The following C4orf50 variants were observed in gnomAD, a reference collection of about 807,000 sequenced individuals.
The protein encoded by C4orf50 is chromosome 4 open reading frame 50.
Under a neutral mutation model 77.2 loss-of-function variants are expected in C4orf50, and 80 were observed. The observed-to-expected ratio is 1.04, with a 90% confidence interval of 0.87 to 1.25. The LOEUF (loss-of-function observed/expected upper bound fraction) is 1.25. C4orf50 is among the 50% of genes most tolerant of loss of function. The pLI is 0.00. For synonymous variants in C4orf50, 532 were observed against 465.3 expected (o/e 1.14, Z -1.84); for missense variants, 1,257 against 1,152.9 (o/e 1.09, Z -1.31).
At chr4:5,929,777 G>C (rs1296826659) in intron 7 of C4orf50, among the ~76,000 whole-genome samples, 1 of 152,180 alleles carries the variant, frequency 6.6e-6, no homozygotes, top group Non-Finnish European at 1.5e-5. Context: ...AAATAGGAGA[G>C]AGTCAGAAGT....
At chr4:5,906,809 C>T (rs1716568585) in intron 7 of C4orf50, among the ~76,000 whole-genome samples, 1 of 152,174 alleles carries the variant, frequency 6.6e-6, no homozygotes, top group Non-Finnish European at 1.5e-5. Context: ...TCTGTAGGTA[C>T]ACAGCTTCAA....
At chr4:5,959,836 G>C (rs896532374) in intron 33 of C4orf50, among the ~76,000 whole-genome samples, 1 of 152,206 alleles carries the variant, frequency 6.6e-6, no homozygotes, top group African/African-American at 2.4e-5. Context: ...TGCGTTCTGG[G>C]TCAGAAAATG....
chr4:5,989,051 C>T, exon 28 of C4orf50: 7 of 1,536,060 alleles, frequency 4.6e-6, no homozygotes, highest in African/African-American at 1.4e-5. Context: ...TCAGAGATTG[C>T]CTGTAAATAT....
chr4:5,928,627 C>A (rs962037970), intron 7 of C4orf50, among the ~76,000 whole-genome samples: 2 of 152,144 alleles, frequency 1.3e-5, no homozygotes, highest in Non-Finnish European at 2.9e-5. Flanking sequence ...GCATGCTTCC[C>A]GGTGATAAAA....
rs573089903 is a variant in C4orf50, at chr4:5,958,524, C to T, written c.*851G>A. ...TCCAGTTGTCCCAAGCCAAGTAGAA[C>T]GGACCCTTACCTTCATCCCGTTGCT... On this transcript the variant is annotated 3_prime_UTR_variant, in exon 34 of 34. Transcript: ENST00000531445. The surrounding 1 kb of genome is among the most constrained non-coding windows in gnomAD (Gnocchi z 5.4). 3 of 152,122 alleles carry T rather than the reference C, an allele frequency of 2.0e-5. No individual in the cohort carries two copies. Among genetic ancestry groups the T allele is most frequent in the South Asian group, 2.1e-4 (1 of 4,810 alleles). 9.4% of individuals were successfully genotyped at this position (152,122 alleles called of 1,614,324 possible).
chr4:5,988,766 G>A (rs1024055980), exon 28 of C4orf50: 37 of 1,535,964 alleles, frequency 2.4e-5, no homozygotes, highest in East Asian at 1.2e-4. Context: ...TGGACCCTGC[G>A]TAGAAGGTGC....
intron 28 of C4orf50, among the ~76,000 whole-genome samples, chr4:5,980,731 G>A (rs1720540599): frequency 6.6e-6 from 1 of 152,138 alleles, no homozygotes; most frequent in Non-Finnish European, 1.5e-5. Flanking sequence ...TGTAATAGAT[G>A]CCAGTCACTG....
rs369879637 is a variant in C4orf50, at chr4:5,973,824, G to A, written c.3939C>T (p.Leu1313=). ...GGTTCCTCTCCCGGCACTTCCGGAC[G>A]AGGGAAGCTATCTTGGCCTGAAAGG... Residue 1313 remains leucine, a synonymous_variant, in exon 31 of 34, where the codon CTC becomes CTT. Coordinates refer to ENST00000531445, the Ensembl canonical transcript of C4orf50. The A allele has an allele frequency of 3.7e-6, 6 of 1,611,964 alleles. No homozygotes were observed. The African/African-American group carries it at 4.0e-5, about 11-fold the overall frequency.
intron 25 of C4orf50, among the ~76,000 whole-genome samples, chr4:5,995,825 T>C (rs1371097445): frequency 1.3e-5 from 2 of 152,220 alleles, no homozygotes; most frequent in Non-Finnish European, 2.9e-5. Flanking sequence ...ATTAGGCTCC[T>C]GCTGTGTGCC....
intron 7 of C4orf50, among the ~76,000 whole-genome samples, chr4:5,948,493 C>T (rs893981975): frequency 3.3e-5 from 5 of 151,910 alleles, no homozygotes; most frequent in Admixed American, 6.6e-5. Flanking sequence ...GGTGAAACCC[C>T]GCTTCTACTA....
intron 29 of C4orf50, among the ~76,000 whole-genome samples, chr4:5,979,231 G>C (rs1014318025): frequency 1.3e-5 from 2 of 152,112 alleles, no homozygotes; most frequent in African/African-American, 4.8e-5. Flanking sequence ...TGCCGAGAGA[G>C]AAATAAAAAT....
At chr4:5,933,612 C>A (rs774325635) in intron 7 of C4orf50, among the ~76,000 whole-genome samples, 3 of 152,224 alleles carry the variant, frequency 2.0e-5, no homozygotes, top group Non-Finnish European at 4.4e-5. Flanking sequence ...CCAGCACAGA[C>A]CCTCTAATGT....
At chr4:5,973,525 G>A (rs1393398137) in intron 31 of C4orf50, 134 bp downstream of exon 9, 1 of 748,104 alleles carries the variant, frequency 1.3e-6, no homozygotes, top group Admixed American at 2.3e-5. Context: ...AAAGCCAGGG[G>A]GTGTCTTCTT....
chr4:6,002,954 C>A (rs1721897724), intron 25 of C4orf50, among the ~76,000 whole-genome samples: 3 of 152,224 alleles, frequency 2.0e-5, no homozygotes, highest in Admixed American at 6.5e-5. Flanking sequence ...AAGTGAGTAA[C>A]AGATGGGCAG....
At chr4:5,982,792 G>T (rs933108564) in intron 28 of C4orf50, among the ~76,000 whole-genome samples, 5 of 152,090 alleles carry the variant, frequency 3.3e-5, no homozygotes, top group South Asian at 2.1e-4. Flanking sequence ...GCCTGGGGGT[G>T]GGGGGAAGCT....
At chr4:5,984,907 A>G (rs79867766) in intron 28 of C4orf50, among the ~76,000 whole-genome samples, 9,346 of 152,008 alleles carry the variant, frequency 0.061, 386 homozygotes, top group East Asian at 0.19. Flanking sequence ...AAATAAAACC[A>G]TATCTAGGCA....
At chr4:5,982,911 G>A (rs80131245) in intron 28 of C4orf50, among the ~76,000 whole-genome samples, 1,655 of 152,248 alleles carry the variant, frequency 0.011, 38 homozygotes, top group African/African-American at 0.036. Flanking sequence ...CATGGAGTGT[G>A]GAGGCTGGGG....
At chr4:5,955,877 C>T (rs577818277), downstream of C4orf50, among the ~76,000 whole-genome samples, 1 of 152,142 alleles carries the variant, frequency 6.6e-6, no homozygotes, top group African/African-American at 2.4e-5. This position sits in a 1 kb window ranked among gnomAD's most constrained non-coding sequence, Gnocchi z 5.1. Flanking sequence ...ACATCACAGG[C>T]GGGTGCTGGC....
chr4:6,004,228 GATGGTGATGA>G (rs1577992212), intron 25 of C4orf50, among the ~76,000 whole-genome samples: 85 of 42,578 alleles, frequency 2.0e-3, no homozygotes, highest in East Asian at 0.014. Context: ...GTGATGATGT[GATGGTGATGA>G]TGATGGTGAT....
Sources: gnomAD v4.1 joint callset for allele counts (sites outside exome capture counted in the v4.1 genomes callset) on GRCh38, gnomAD v4.1.1 for gene constraint, Gnocchi (gnomAD v3.1) non-coding constraint, MANE v1.5 for transcripts, NCBI Gene and HGNC (gene_info 2026-07-23, HGNC 2026-07-21) for gene names.